CARD8: variants seen among roughly 807,000 people sequenced by gnomAD.
The protein encoded by CARD8 is caspase recruitment domain family member 8, also known as caspase recruitment domain-containing protein 8.
CARD8 carries 38 observed loss-of-function variants against 53.2 expected under a neutral mutation model. The observed-to-expected ratio is 0.71, with a 90% CI of 0.55 to 0.94. The LOEUF (loss-of-function observed/expected upper bound fraction) is 0.94, where lower values mean the gene tolerates loss of function less well. CARD8 is among the 40% of genes least tolerant of loss of function. CARD8 has a pLI of 0.00. For synonymous variants in CARD8, 245 were observed against 244.9 expected (o/e 1.00, Z 0.00); for missense variants, 561 against 655.5 (o/e 0.86, Z 1.57).
intron 10 of CARD8, among the ~76,000 whole-genome samples, chr19:48,222,062 T>G (rs559636832): frequency 5.2e-4 from 79 of 152,196 alleles, no homozygotes; most frequent in Non-Finnish European, 1.0e-3. Context: ...AGAGACATAT[T>G]GATGAAATTT....
At chr19:48,219,387 A>C (rs554643450) in intron 11 of CARD8, among the ~76,000 whole-genome samples, 1 of 152,204 alleles carries the variant, frequency 6.6e-6, no homozygotes, top group East Asian at 1.9e-4. Flanking sequence ...GGTCTCTCTG[A>C]GCCTCGCTGG....
chr19:48,243,585 G>A (rs1452815725), intron 3 of CARD8, among the ~76,000 whole-genome samples: 4 of 151,904 alleles, frequency 2.6e-5, no homozygotes, highest in East Asian at 1.9e-4. Context: ...TTGTTATAAC[G>A]AACACTTTTC....
rs1354758880 is a variant in CARD8 at position 48,249,862 on chromosome 19, G to C, written c.-251-15C>G. The C allele has an allele frequency of 1.3e-5, 2 of 152,138 alleles. No individual in the cohort carries two copies. The highest frequency in any genetic ancestry group is 2.9e-5 in the Non-Finnish European group (2 of 68,046). 9.4% of individuals were successfully genotyped at this position (152,138 alleles called of 1,614,324 possible). On this transcript the variant is annotated splice_polypyrimidine_tract_variant and intron_variant, in intron 1 of 13. Transcript: ENST00000651546. ...CCTCTTGGTCACTTGAGAAGAAAGGGAGAAGTTCCTATGAGGCTGTCGGAA... is the reference window on the plus strand; with the variant it reads ...CCTCTTGGTCACTTGAGAAGAAAGGCAGAAGTTCCTATGAGGCTGTCGGAA...
chr19:48,208,051 A>G (rs2037484377), downstream of CARD8: 1 of 151,960 alleles, frequency 6.6e-6, no homozygotes, highest in African/African-American at 2.4e-5. Flanking sequence ...TTTTTAATTT[A>G]GCATCCTCAA....
At chr19:48,245,824 T>C (rs2046020279) in intron 3 of CARD8, among the ~76,000 whole-genome samples, 1 of 148,538 alleles carries the variant, frequency 6.7e-6, no homozygotes, top group Non-Finnish European at 1.5e-5. Flanking sequence ...TATATACATT[T>C]ATTGTATTAT....
rs1488266750 is a variant in CARD8, at chr19:48,231,784, T to C, written c.418A>G (p.Ile140Val). 1 of 1,614,034 alleles carries C rather than the reference T, an allele frequency of 6.2e-7. No individual in the cohort carries two copies. Among genetic ancestry groups the C allele is most frequent in the East Asian group, 2.2e-5 (1 of 44,886 alleles). Reference protein sequence around the residue: ...SGDICSEENQIVSSYASKVCF... With the variant: ...SGDICSEENQVVSSYASKVCF... ...ACTTTAGAAGCATAAGAGGAAACTATTTGATTCTCTTCTGAGCAAATGTCT... is the reference window on the plus strand; with the variant it reads ...ACTTTAGAAGCATAAGAGGAAACTACTTGATTCTCTTCTGAGCAAATGTCT... The change falls in exon 8 of 14, where the codon ATA becomes GTA. Residue 140 changes from isoleucine to valine, a missense_variant. Coordinates refer to ENST00000651546, the MANE Select transcript of CARD8 (RefSeq NM_001184900.3).
rs538747502 is a variant in CARD8, at chr19:48,209,495, T to C, written c.*2215A>G. On this transcript the variant is annotated 3_prime_UTR_variant, in exon 14 of 14. Transcript: ENST00000651546. ...GTGAACACTCCAGCAAATTTGAAAATAGACAAATTAAAATTACCCAATCAG... is the reference window on the plus strand; with the variant it reads ...GTGAACACTCCAGCAAATTTGAAAACAGACAAATTAAAATTACCCAATCAG... 2.6e-5 allele frequency: 4 copies of C among 151,906 alleles called. No individual in the cohort carries two copies. The highest frequency in any genetic ancestry group is 9.7e-5 in the African/African-American group (4 of 41,410). The allele number at this position is 151,906 out of a possible 1,614,324, so 9.4% of individuals were successfully genotyped here.
At chr19:48,212,434 G>T (rs1391737873) in intron 13 of CARD8, among the ~76,000 whole-genome samples, 12 of 152,216 alleles carry the variant, frequency 7.9e-5, no homozygotes, top group Non-Finnish European at 1.3e-4. Flanking sequence ...GATTTAACTG[G>T]AGACATACAA....
chr19:48,221,047 G>C (rs2040539023), intron 11 of CARD8, among the ~76,000 whole-genome samples: 1 of 150,724 alleles, frequency 6.6e-6, no homozygotes. Context: ...AAAAAAGAAA[G>C]AGGAAGGAAG....
At chr19:48,231,058 T>A in intron 8 of CARD8, 52 bp from the exon 9 acceptor site, 1 of 1,451,368 alleles carries the variant, frequency 6.9e-7, no homozygotes, top group Non-Finnish European at 9.6e-7. Flanking sequence ...GACTTGGATT[T>A]AAGCAGCGAT....
chr19:48,227,280 G>A (rs967661002), intron 10 of CARD8, among the ~76,000 whole-genome samples: 1 of 152,144 alleles, frequency 6.6e-6, no homozygotes, highest in African/African-American at 2.4e-5. Flanking sequence ...ATATGGAGAG[G>A]GGAGGTTGGC....
chr19:48,221,008 A>AGGAAGG (rs1555806506), intron 11 of CARD8, among the ~76,000 whole-genome samples: 68 of 122,096 alleles, frequency 5.6e-4, no homozygotes, highest in African/African-American at 2.2e-3. Flanking sequence ...GAAAGAAAGA[A>AGGAAGG]AAAGAAAGAA....
At position 48,208,145 on chromosome 19, in the gene CARD8, G is replaced by C. The variant is rs1467473419; in HGVS notation, c.*3565C>G. On this transcript the variant is annotated 3_prime_UTR_variant, in exon 14 of 14. Coordinates refer to ENST00000651546, the MANE Select transcript of CARD8 (RefSeq NM_001184900.3). ...TTTTTTATTTTTGTAAATTTATGAAGTACATTCTTCAAATGTAACAATTTA... is the reference window on the plus strand; with the variant it reads ...TTTTTTATTTTTGTAAATTTATGAACTACATTCTTCAAATGTAACAATTTA... The C allele has an allele frequency of 6.6e-6, 1 of 151,940 alleles. No individual in the cohort carries two copies. The highest frequency in any genetic ancestry group is 1.5e-5 in the Non-Finnish European group (1 of 68,012). 9.4% of individuals were successfully genotyped at this position (151,940 alleles called of 1,614,324 possible).
At chr19:48,240,767 T>A (rs1458141100) in intron 4 of CARD8, among the ~76,000 whole-genome samples, 195 bp downstream of exon 4, 75 of 124,734 alleles carry the variant, frequency 6.0e-4, no homozygotes, top group Non-Finnish European at 1.1e-3. Flanking sequence ...AGACTCTGTG[T>A]CAAAAAAAAA....
Position 48,238,366 on chromosome 19 carries a change from A to G in CARD8, c.209+17T>C. 1 of 1,531,766 alleles carries G rather than the reference A, an allele frequency of 6.5e-7. No individual in the cohort carries two copies. Among genetic ancestry groups the G allele is most frequent in the Non-Finnish European group, 8.7e-7 (1 of 1,145,404 alleles). 94.9% of individuals were successfully genotyped at this position (1,531,766 alleles called of 1,614,324 possible). A position where few individuals can be genotyped will look rare whatever the true frequency, so the allele number is the denominator to read the frequency against. ...TCCAAATCTTTAATTTTTTCCCAAC[A>G]AATAGATGTCCCTTACGTATCATTT... On this transcript the variant is annotated intron_variant, in intron 5 of 13. Coordinates refer to ENST00000651546, the MANE Select transcript of CARD8 (RefSeq NM_001184900.3).
intron 4 of CARD8, 34 bp from the exon 5 acceptor site, chr19:48,238,566 A>C: frequency 3.3e-6 from 5 of 1,530,958 alleles, no homozygotes; most frequent in Non-Finnish European, 3.5e-6. Flanking sequence ...GAATGTGAGC[A>C]TGTCAGAGGA....
downstream of CARD8, among the ~76,000 whole-genome samples, chr19:48,207,422 A>G (rs57584704): frequency 5.8e-3 from 890 of 152,158 alleles, 10 homozygotes; most frequent in African/African-American, 0.021. Context: ...TGCTCCATAT[A>G]CTCACCAGTA....
intron 5 of CARD8, among the ~76,000 whole-genome samples, chr19:48,237,587 A>T (rs1486583089): frequency 6.6e-6 from 1 of 151,924 alleles, no homozygotes; most frequent in African/African-American, 2.4e-5. Flanking sequence ...ACTTGAGGTC[A>T]GGAGTTTGAG....
chr19:48,234,386 G>A lies in CARD8; in HGVS notation c.350+17C>T, dbSNP rs765030717. Reference sequence around the variant, plus strand: ...ACACAGCGTCCAATAGTTTTCCAACGGAATAGCTTTTCTTACCTGGGAATG... The same window carrying A: ...ACACAGCGTCCAATAGTTTTCCAACAGAATAGCTTTTCTTACCTGGGAATG... On this transcript the variant is annotated intron_variant, in intron 6 of 13. Transcript: ENST00000651546. The A allele has an allele frequency of 1.7e-5, 28 of 1,601,058 alleles. No individual in the cohort carries two copies. The highest frequency in any genetic ancestry group is 1.7e-4 in the Middle Eastern group (1 of 5,998).
Sources: allele counts gnomAD v4.1 joint callset (sites outside exome capture counted in the v4.1 genomes callset), GRCh38; gene constraint gnomAD v4.1.1; transcripts MANE v1.5; gene names NCBI Gene and HGNC (gene_info 2026-07-23, HGNC 2026-07-21).